Variants in COL14A1 observed in about 807,000 individuals in gnomAD.
The protein encoded by COL14A1 is collagen alpha-1(XIV) chain.
Under a neutral mutation model 230.3 loss-of-function variants are expected in COL14A1, and 136 were observed. The observed-to-expected ratio is 0.59, with a 90% CI of 0.51 to 0.68. The LOEUF (loss-of-function observed/expected upper bound fraction) is 0.68. Ranked by LOEUF, COL14A1 falls within the 30% of genes least tolerant of loss-of-function variation. COL14A1 has a pLI of 0.00. For synonymous variants in COL14A1, 792 were observed against 784.1 expected, an observed-to-expected ratio of 1.01 and a Z score of -0.17; for missense variants, 1,976 against 2,215.8, an observed-to-expected ratio of 0.89 and a Z score of 2.17.
chr8:120,338,549 A>T (rs921569513), intron 42 of COL14A1, among the ~76,000 whole-genome samples: 1 of 152,196 alleles, frequency 6.6e-6, no homozygotes, highest in Non-Finnish European at 1.5e-5. Context: ...ATCTTATAGG[A>T]GTATTATAAG....
chr8:120,211,040 T>C (rs962434918), intron 12 of COL14A1, among the ~76,000 whole-genome samples: 1 of 152,198 alleles, frequency 6.6e-6, no homozygotes, highest in Non-Finnish European at 1.5e-5. Context: ...TAATACTGTG[T>C]ATTCATAAGC....
intron 45 of COL14A1, among the ~76,000 whole-genome samples, chr8:120,366,530 T>C (rs1347009505): frequency 6.6e-6 from 1 of 152,232 alleles, no homozygotes; most frequent in African/African-American, 2.4e-5. Flanking sequence ...GTTTAGATAA[T>C]GAGGTGTCAG....
intron 45 of COL14A1, among the ~76,000 whole-genome samples, chr8:120,363,040 G>C (rs1482832899): frequency 6.6e-6 from 1 of 152,152 alleles, no homozygotes; most frequent in Non-Finnish European, 1.5e-5. Context: ...GAACTTGTTA[G>C]AAAAAGCAGT....
At chr8:120,255,494 T>C in intron 23 of COL14A1, 138 bp downstream of exon 23, 2 of 705,344 alleles carry the variant, frequency 2.8e-6, no homozygotes, top group East Asian at 5.0e-5. Flanking sequence ...TCAGTCATGC[T>C]GCATATGGGG....
At chr8:120,184,098 G>C (rs921407704) in intron 5 of COL14A1, among the ~76,000 whole-genome samples, 5 of 152,046 alleles carry the variant, frequency 3.3e-5, no homozygotes, top group African/African-American at 1.2e-4. Flanking sequence ...GATGTATGCA[G>C]AGCATCTGAT....
intron 2 of COL14A1, among the ~76,000 whole-genome samples, chr8:120,156,208 C>T (rs535321226): frequency 1.3e-5 from 2 of 149,524 alleles, no homozygotes; most frequent in East Asian, 2.0e-4. Flanking sequence ...CTCTCTGTCT[C>T]GTCCAGGCTG....
chr8:120,311,463 A>C (rs1423172163), intron 37 of COL14A1, among the ~76,000 whole-genome samples: 1 of 152,110 alleles, frequency 6.6e-6, no homozygotes, highest in Non-Finnish European at 1.5e-5. Flanking sequence ...TCCTCCAATT[A>C]CCATTTCCAT....
In COL14A1 at chr8:120,231,468, T is replaced by A. The variant is rs1818264523; in HGVS notation, c.2199T>A (p.Val733=). Residue 733 remains valine (V), a splice_region_variant and synonymous_variant, in exon 19 of 48, where the codon GTT becomes GTA. Coordinates refer to ENST00000297848, the MANE Select transcript of COL14A1 (RefSeq NM_021110.4). ...AATCCTTGGTTGTGTTTATTCCAGT[T>A]TTCCAGACGGGAATCAGAAACCTAG... is the stretch of plus-strand genomic sequence containing the variant. ...TIVPTTSVTS[V]FQTGIRNLVV... The A allele has an allele frequency of 1.2e-6, 2 of 1,612,560 alleles. No individual in the cohort carries two copies. Among genetic ancestry groups the A allele is most frequent in the Non-Finnish European group, 1.7e-6 (2 of 1,179,594 alleles).
intron 45 of COL14A1, 75 bp from the exon 46 acceptor site, chr8:120,367,096 A>T: frequency 8.0e-7 from 1 of 1,249,606 alleles, no homozygotes; most frequent in Non-Finnish European, 1.1e-6. Context: ...GCACTTTCGA[A>T]CTCCAGAAAA....
rs201278854 is a variant in COL14A1, at chr8:120,250,691, A to C, written c.2677A>C (p.Met893Leu). The change falls in exon 22 of 48, where the codon ATG becomes CTG. Residue 893 changes from methionine to leucine, a missense_variant. By Grantham distance (15) the Met-to-Leu change is conservative. Transcript: ENST00000297848. ...TILITNLLSGMDYNVKIFASQ... is the reference protein window; with the variant it reads ...TILITNLLSGLDYNVKIFASQ... ...CCTTATCACAAACCTCCTCAGCGGAATGGACTACAATGTGAAGATATTTGC... is the reference window on the plus strand; with the variant it reads ...CCTTATCACAAACCTCCTCAGCGGACTGGACTACAATGTGAAGATATTTGC... 6.2e-7 allele frequency: 1 copy of C among 1,614,240 alleles called. No individual in the cohort carries two copies. The highest frequency in any genetic ancestry group is 1.3e-5 in the African/African-American group (1 of 75,068).
At position 120,369,257 on chromosome 8, in the gene COL14A1, A is replaced by G. The variant is rs539354430; in HGVS notation, c.5156-73A>G. On this transcript the variant is annotated intron_variant, in intron 46 of 47. Transcript: ENST00000297848. Reference sequence around the variant, plus strand: ...AGTTGCTTCTTCTAAGAGTTAGTTTACTTCTTGGTTGTCTCAAAACTCACC... The same window carrying G: ...AGTTGCTTCTTCTAAGAGTTAGTTTGCTTCTTGGTTGTCTCAAAACTCACC... 942 of 1,414,846 alleles carry G rather than the reference A, an allele frequency of 6.7e-4. 7 individuals carry two copies. In the Admixed American group the frequency reaches 0.015, roughly 22 times the overall value. 87.6% of individuals were successfully genotyped at this position (1,414,846 alleles called of 1,614,324 possible). A position where few individuals can be genotyped will look rare whatever the true frequency, so the allele number is the denominator to read the frequency against.
intron 19 of COL14A1, 155 bp downstream of exon 19, chr8:120,231,773 T>C (rs1818275746): frequency 7.9e-6 from 6 of 762,820 alleles, no homozygotes. Context: ...ACTCCACTAC[T>C]GGCTTCTTAG....
chr8:120,248,446 G>A (rs1586802090), intron 21 of COL14A1, among the ~76,000 whole-genome samples: 1 of 152,254 alleles, frequency 6.6e-6, no homozygotes, highest in East Asian at 1.9e-4. Flanking sequence ...GTTTAAACAG[G>A]AGACTAGAAT....
At chr8:120,263,150 C>G in intron 24 of COL14A1, 136 bp downstream of exon 24, 1 of 924,210 alleles carries the variant, frequency 1.1e-6, no homozygotes, top group Non-Finnish European at 1.5e-6. Context: ...TTTTGTTCCT[C>G]TTACTCAACC....
chr8:120,330,412 A>C (rs1261222013), intron 40 of COL14A1, among the ~76,000 whole-genome samples: 1 of 152,222 alleles, frequency 6.6e-6, no homozygotes, highest in Non-Finnish European at 1.5e-5. Context: ...ACAGTTTCAC[A>C]TGGCTGGGGA....
At chr8:120,320,732 G>A (rs1413222722) in intron 40 of COL14A1, among the ~76,000 whole-genome samples, 1 of 152,104 alleles carries the variant, frequency 6.6e-6, no homozygotes, top group Non-Finnish European at 1.5e-5. Context: ...TGTGGCTCTG[G>A]ATGGGTTTTA....
Position 120,157,993 on chromosome 8 carries a change from T to C in COL14A1, c.89-137T>C, listed in dbSNP as rs1815535710. The C allele has an allele frequency of 5.9e-6, 3 of 506,818 alleles. No individual in the cohort carries two copies. The Admixed American group carries it at 1.2e-4, about 20-fold the overall frequency. The allele number at this position is 506,818 out of a possible 1,614,324, so 31.4% of individuals were successfully genotyped here. The stretch of plus-strand genomic sequence containing the variant: ...GAGCGAGACTCCCTCTCAAAAAGCA[T>C]ATGTATATATATTATATATTTTGAG... On this transcript the variant is annotated intron_variant, in intron 2 of 47. Transcript: ENST00000297848.
intron 26 of COL14A1, among the ~76,000 whole-genome samples, chr8:120,271,576 A>G (rs1819667711): frequency 6.6e-6 from 1 of 151,596 alleles, no homozygotes; most frequent in South Asian, 2.1e-4. Context: ...TGCCTTTTGA[A>G]CTGAGATGTG....
chr8:120,358,561 A>T (rs1823070368), intron 45 of COL14A1, among the ~76,000 whole-genome samples: 1 of 151,886 alleles, frequency 6.6e-6, no homozygotes, highest in Non-Finnish European at 1.5e-5. Flanking sequence ...CTGCCACGTG[A>T]ACAATGTAAG....
Sources: allele counts gnomAD v4.1 joint callset (sites outside exome capture counted in the v4.1 genomes callset), GRCh38; gene constraint gnomAD v4.1.1; transcripts MANE v1.5; gene names NCBI Gene and HGNC (gene_info 2026-07-23, HGNC 2026-07-21).